Variants in CYP11A1 observed in about 807,000 individuals in gnomAD.
The protein encoded by CYP11A1 is cytochrome P450 family 11 subfamily A member 1.
A neutral mutation model predicts 51.9 loss-of-function variants in CYP11A1; 25 were observed. That is an observed-to-expected ratio of 0.48 (90% CI 0.35 to 0.67). The LOEUF (loss-of-function observed/expected upper bound fraction) is 0.67. CYP11A1 is among the 30% of genes least tolerant of loss of function. CYP11A1 has a pLI of 0.00. For synonymous variants in CYP11A1, 245 were observed against 262.1 expected (o/e 0.93, Z 0.63); for missense variants, 578 against 680.9 (o/e 0.85, Z 1.68).
chr15:74,342,907 G>C, intron 5 of CYP11A1, 70 bp downstream of exon 5: 1 of 1,523,356 alleles, frequency 6.6e-7, no homozygotes, highest in Non-Finnish European at 9.1e-7. Flanking sequence ...TTCAGACAAC[G>C]AGGGGCCTGG....
At position 74,343,852 on chromosome 15, in the gene CYP11A1, G is replaced by A. The variant is rs759185556; in HGVS notation, c.766C>T (p.Arg256Cys). 19 of 1,613,706 alleles carry A rather than the reference G, an allele frequency of 1.2e-5. No individual in the cohort carries two copies. The highest frequency in any genetic ancestry group is 4.0e-5 in the African/African-American group (3 of 74,914). ...PMLNLPPDLF[R>C]LFRTKTWKDH... Reference sequence around the variant, plus strand: ...TTCCAGGTCTTGGTCCTGAACAGACGGAACAGGTCTGGGGGAAGGTTGAGC... The same window carrying A: ...TTCCAGGTCTTGGTCCTGAACAGACAGAACAGGTCTGGGGGAAGGTTGAGC... Residue 256 changes from arginine to cysteine, a missense_variant, in exon 4 of 9, where the codon CGT becomes TGT. Physicochemically the swap from Arg to Cys is radical, Grantham distance 180 (BLOSUM62 -3). Transcript: ENST00000268053.
intron 1 of CYP11A1, chr15:74,363,241 C>T (rs191252707): frequency 1.3e-5 from 2 of 152,256 alleles, no homozygotes; most frequent in East Asian, 1.9e-4. Context: ...AGGAGACTGA[C>T]AAAGAAATTG....
intron 5 of CYP11A1, among the ~76,000 whole-genome samples, chr15:74,342,567 A>G (rs1159229891): frequency 6.6e-6 from 1 of 152,124 alleles, no homozygotes; most frequent in Non-Finnish European, 1.5e-5. Flanking sequence ...TCGGCCTCCC[A>G]ATGTTTCCGG....
rs1056427938 is a variant in CYP11A1, at chr15:74,365,895, T to G, written c.269+1422A>C. The G allele has an allele frequency of 3.7e-5, 36 of 985,542 alleles. No homozygotes were observed. The African/African-American group carries it at 5.6e-4, about 15-fold the overall frequency. 61.0% of individuals were successfully genotyped at this position (985,542 alleles called of 1,614,324 possible). ...CTCCTGGCAGGGCCAGCGAAGCCAG[T>G]GCTCCAGCGCCCCCGTAACACCTCA... On this transcript the variant is annotated intron_variant, in intron 1 of 8. Coordinates refer to ENST00000268053, the MANE Select transcript of CYP11A1 (RefSeq NM_000781.3).
chr15:74,344,160 A>G (rs898406517), intron 3 of CYP11A1, among the ~76,000 whole-genome samples, 168 bp from the exon 4 acceptor site: 2 of 152,166 alleles, frequency 1.3e-5, no homozygotes, highest in Non-Finnish European at 1.5e-5. Context: ...AAGGGCTAAG[A>G]TGCAAGGCTG....
At chr15:74,351,167 GT>G (rs202136761) in intron 1 of CYP11A1, among the ~76,000 whole-genome samples, 1 of 151,844 alleles carries the variant, frequency 6.6e-6, no homozygotes, top group African/African-American at 2.4e-5. Context: ...TCTTTTTTAT[GT>G]TTTTTTTCTC....
chr15:74,353,596 A>C (rs1006524272), intron 1 of CYP11A1, among the ~76,000 whole-genome samples: 2 of 152,210 alleles, frequency 1.3e-5, no homozygotes, highest in African/African-American at 4.8e-5. Context: ...AAGGATACTG[A>C]ATTGTGTATC....
chr15:74,358,369 A>G (rs1184483330), intron 1 of CYP11A1, among the ~76,000 whole-genome samples: 1 of 152,094 alleles, frequency 6.6e-6, no homozygotes, highest in East Asian at 1.9e-4. Flanking sequence ...CAAGGAAAAT[A>G]TCTCCTTCCA....
chr15:74,364,195 AC>A (rs757675729), intron 1 of CYP11A1: 17 of 153,042 alleles, frequency 1.1e-4, no homozygotes, highest in Non-Finnish European at 1.9e-4. Flanking sequence ...TCAAGAAGCT[AC>A]CCTTCCTCCA....
chr15:74,365,653 C>T (rs950123695), intron 1 of CYP11A1: 19 of 983,338 alleles, frequency 1.9e-5, no homozygotes, highest in Admixed American at 1.8e-4. Flanking sequence ...TTACCCACCA[C>T]CATCCCAGGC....
intron 1 of CYP11A1, chr15:74,350,046 T>C: frequency 3.0e-6 from 1 of 330,460 alleles, no homozygotes. Context: ...TGAGGACCAC[T>C]GAACATCACT....
At chr15:74,365,111 C>T (rs1300199047) in intron 1 of CYP11A1, among the ~76,000 whole-genome samples, 1 of 152,066 alleles carries the variant, frequency 6.6e-6, no homozygotes, top group Non-Finnish European at 1.5e-5. Context: ...TTGTAAAGAC[C>T]TTTCACTTAA....
At position 74,360,275 on chromosome 15, in the gene CYP11A1, GT is replaced by G. The variant is rs552976289; in HGVS notation, c.269+7041del. ...TCAGAAACTTTATCAGAACTTACCA[GT>G]TTTTTTTGTTTTTGTTTTTGTTTTG... On this transcript the variant is annotated intron_variant, in intron 1 of 8. Transcript: ENST00000268053. Among the ~76,000 whole-genome samples, 571 of 151,712 alleles carry G rather than the reference GT, an allele frequency of 3.8e-3. 2 individuals are homozygous for G. Among genetic ancestry groups the G allele is most frequent in the Non-Finnish European group, 6.5e-3 (440 of 67,880 alleles).
intron 5 of CYP11A1, among the ~76,000 whole-genome samples, chr15:74,340,099 A>G (rs1480687360): frequency 1.3e-5 from 2 of 152,226 alleles, no homozygotes; most frequent in African/African-American, 2.4e-5. Context: ...TTAGAGGCCA[A>G]ATCCTTCTGT....
rs199573967 is a variant in CYP11A1, at chr15:74,367,313, T to C, written c.269+4A>G. The C allele has an allele frequency of 7.1e-5, 115 of 1,614,054 alleles. No homozygotes were observed. Among genetic ancestry groups the C allele is most frequent in the Non-Finnish European group, 1.6e-5 (19 of 1,180,038 alleles). ...CTTCGGCTCCCACCCTCTGCCAGGC[T>C]TACCTGTAAATCGGGCCATACTTCT... is the stretch of plus-strand genomic sequence containing the variant. On this transcript the variant is annotated splice_donor_region_variant and intron_variant, in intron 1 of 8. Transcript: ENST00000268053.
rs968662401 is a variant in CYP11A1, at chr15:74,345,888, G to A, written c.426-645C>T. Among the ~76,000 whole-genome samples, 1 of 152,112 alleles carries A rather than the reference G, an allele frequency of 6.6e-6. No homozygotes were observed. The highest frequency in any genetic ancestry group is 2.4e-5 in the African/African-American group (1 of 41,416). On this transcript the variant is annotated intron_variant, in intron 2 of 8. Coordinates refer to ENST00000268053, the MANE Select transcript of CYP11A1 (RefSeq NM_000781.3). This position sits in a 1 kb window ranked among gnomAD's most constrained non-coding sequence, Gnocchi z 4.3. Reference sequence around the variant, plus strand: ...ACTTACCACCCACCATAGAAACTAGGAACTTGACAGTAACTTACACTTGCC... The same window carrying A: ...ACTTACCACCCACCATAGAAACTAGAAACTTGACAGTAACTTACACTTGCC...
intron 1 of CYP11A1, among the ~76,000 whole-genome samples, chr15:74,355,702 C>G (rs900425812): frequency 6.6e-6 from 1 of 152,212 alleles, no homozygotes; most frequent in Non-Finnish European, 1.5e-5. Context: ...AGCCCTCCCC[C>G]ATCTGCCCAG....
chr15:74,345,265 A>T lies in CYP11A1; in HGVS notation c.426-22T>A, dbSNP rs202108906. 9.0e-4 allele frequency: 1,445 copies of T among 1,613,886 alleles called. 14 individuals are homozygous for T. The highest frequency in any genetic ancestry group is 4.0e-4 in the Admixed American group (24 of 60,022). On this transcript the variant is annotated intron_variant, in intron 2 of 8. Transcript: ENST00000268053. The surrounding 1 kb of genome is among the most constrained non-coding windows in gnomAD (Gnocchi z 4.3). The stretch of plus-strand genomic sequence containing the variant: ...CTTCCTGAGAAAACATGGGCCCACA[A>T]GCCCTCATGGTCACAGACCCCAGGC...
intron 1 of CYP11A1, among the ~76,000 whole-genome samples, chr15:74,357,627 A>G (rs2060686540): frequency 6.6e-6 from 1 of 152,016 alleles, no homozygotes; most frequent in South Asian, 2.1e-4. Context: ...CTCCCACACT[A>G]GCTCTCTCTA....
Sources: gnomAD v4.1 joint callset for allele counts (sites outside exome capture counted in the v4.1 genomes callset) on GRCh38, gnomAD v4.1.1 for gene constraint, Gnocchi (gnomAD v3.1) non-coding constraint, MANE v1.5 for transcripts, NCBI Gene and HGNC (gene_info 2026-07-23, HGNC 2026-07-21) for gene names.